Variants in CTSB observed in about 807,000 individuals in gnomAD.
CTSB encodes cathepsin B.
A neutral mutation model predicts 44.3 loss-of-function variants in CTSB; 57 were observed. That is an observed-to-expected ratio of 1.29 (90% CI 1.04 to 1.60). CTSB has a LOEUF of 1.60. Ranked by LOEUF, CTSB falls within the 40% of genes most tolerant of loss-of-function variation. The probability of loss-of-function intolerance (pLI) is 0.00; values close to 1 mark genes in which losing one functional copy is unlikely to be tolerated. For missense variants in CTSB, 768 were observed against 443.0 expected (o/e 1.73, Z -6.59); for synonymous variants, 320 against 168.0 (o/e 1.91, Z -7.00).
At chr8:11,849,399 G>A in intron 4 of CTSB, 2 of 330,074 alleles carry the variant, frequency 6.1e-6, no homozygotes, top group South Asian at 3.2e-5. Flanking sequence ...GCCCACCTTG[G>A]CCTCCCAAAG....
rs577477911 is a variant in CTSB, at chr8:11,850,845, C to T, written c.327+21G>A. ...TCCCACTTTCTCTCCAGCGCTTCCCCGCCAGCCAGCAGGGCCTTACCCAGC... is the reference window on the plus strand; with the variant it reads ...TCCCACTTTCTCTCCAGCGCTTCCCTGCCAGCCAGCAGGGCCTTACCCAGC... On this transcript the variant is annotated intron_variant, in intron 4 of 9. Coordinates refer to ENST00000353047, the MANE Select transcript of CTSB (RefSeq NM_001908.5). 3.5e-5 allele frequency: 56 copies of T among 1,578,666 alleles called. No individual in the cohort carries two copies. In the South Asian group the frequency reaches 4.5e-4, roughly 13 times the overall value.
Position 11,844,979 on chromosome 8 carries a change from G to GGTCTCCTT in CTSB, c.*138_*145dup. 1.6e-6 allele frequency: 1 copy of GGTCTCCTT among 631,260 alleles called. No individual in the cohort carries two copies. The highest frequency in any genetic ancestry group is 2.8e-6 in the Non-Finnish European group (1 of 353,130). 39.1% of individuals were successfully genotyped at this position (631,260 alleles called of 1,614,324 possible). Reference sequence around the variant, plus strand: ...ACAGGCTGGGATGTAGCCAGGACTTGGTCTCCTTGGAAGACAGGTCTGATG... The same window carrying GGTCTCCTT: ...ACAGGCTGGGATGTAGCCAGGACTTGGTCTCCTTGTCTCCTTGGAAGACAGGTCTGATG... On this transcript the variant is annotated 3_prime_UTR_variant, in exon 10 of 10. Transcript: ENST00000353047.
Position 11,849,148 on chromosome 8 carries a change from T to C in CTSB, c.344A>G (p.Glu115Gly). 6.2e-7 allele frequency: 1 copy of C among 1,612,576 alleles called. No homozygotes were observed. The highest frequency in any genetic ancestry group is 8.5e-7 in the Non-Finnish European group (1 of 1,179,742). The change falls in exon 5 of 10, where the codon GAA becomes GGA. Residue 115 changes from glutamate to glycine, a missense_variant. Physicochemically the swap from Glu to Gly is moderately conservative, Grantham distance 98. Coordinates refer to ENST00000353047, the MANE Select transcript of CTSB (RefSeq NM_001908.5). Reference sequence around the variant, plus strand: ...GATGCAGATCCGGTCAGAGATGGCTTCCACAGCCCCGAAGGCCTGCAGGAA... The same window carrying C: ...GATGCAGATCCGGTCAGAGATGGCTCCCACAGCCCCGAAGGCCTGCAGGAA... ...CGSCWAFGAV[E>G]AISDRICIHT...
At chr8:11,859,101 C>T (rs557562338) in intron 1 of CTSB, among the ~76,000 whole-genome samples, 1 of 152,156 alleles carries the variant, frequency 6.6e-6, no homozygotes, top group East Asian at 1.9e-4. Flanking sequence ...TCCAGTGCAC[C>T]CCTCTGCCCC....
At position 11,845,103 on chromosome 8, in the gene CTSB, G is replaced by A; in HGVS notation, c.*22C>T. 5 of 1,542,736 alleles carry A rather than the reference G, an allele frequency of 3.2e-6. No individual in the cohort carries two copies. The highest frequency in any genetic ancestry group is 4.5e-6 in the Non-Finnish European group (5 of 1,115,244). On this transcript the variant is annotated 3_prime_UTR_variant, in exon 10 of 10. Transcript: ENST00000353047. ...CTACCCCGATCTCGCCCCCAGGACT[G>A]GCACGACAGGCCCACGGCAGATTAG...
intron 5 of CTSB, chr8:11,848,377 G>T (rs758021253): frequency 1.5e-6 from 1 of 658,814 alleles, no homozygotes; most frequent in African/African-American, 1.8e-5. Flanking sequence ...AAAGATCCGG[G>T]AGAAGACAGG....
rs898288717 is a variant in CTSB at position 11,846,906 on chromosome 8, C to T, written c.793+146G>A. The T allele has an allele frequency of 3.0e-5, 19 of 643,092 alleles. No homozygotes were observed. In the Admixed American group the frequency reaches 3.8e-4, roughly 13 times the overall value. The allele number at this position is 643,092 out of a possible 1,614,324, so 39.8% of individuals were successfully genotyped here. A position where few individuals can be genotyped will look rare whatever the true frequency, so the allele number is the denominator to read the frequency against. ...CCAGGCTGGTCCACAGAGGAGTGAG[C>T]CTATATGGAAGGCCCCACACAGCCC... On this transcript the variant is annotated intron_variant, in intron 8 of 9. Transcript: ENST00000353047.
intron 4 of CTSB, chr8:11,849,477 C>T (rs1814138506): frequency 9.9e-6 from 2 of 201,312 alleles, no homozygotes; most frequent in South Asian, 2.0e-4. Flanking sequence ...CCCAACTCAG[C>T]TTTTAAAGCA....
chr8:11,860,256 T>G (rs866520009), intron 1 of CTSB, among the ~76,000 whole-genome samples: 11 of 152,180 alleles, frequency 7.2e-5, no homozygotes, highest in Admixed American at 7.2e-4. Context: ...AAAGCTGTCA[T>G]GCAGTATTTT....
At chr8:11,867,379 C>G (rs1817309629) in intron 1 of CTSB, 1 of 152,538 alleles carries the variant, frequency 6.6e-6, no homozygotes, top group African/African-American at 2.4e-5. Context: ...GTTTCGCTGT[C>G]TGGTTTCTCT....
intron 2 of CTSB, among the ~76,000 whole-genome samples, 187 bp downstream of exon 2, chr8:11,853,142 C>A (rs994750390): frequency 6.6e-6 from 1 of 152,012 alleles, no homozygotes; most frequent in African/African-American, 2.4e-5. Context: ...CATGCACACA[C>A]GTGGGGTATG....
intron 4 of CTSB, 166 bp from the exon 5 acceptor site, chr8:11,849,330 G>C (rs1447244588): frequency 3.9e-6 from 2 of 516,062 alleles, no homozygotes; most frequent in African/African-American, 1.9e-5. Flanking sequence ...TTCTTTGGTA[G>C]AAATGGGGTC....
At chr8:11,845,260 A>T in intron 9 of CTSB, 38 bp from the exon 10 acceptor site, 1 of 1,477,012 alleles carries the variant, frequency 6.8e-7, no homozygotes, top group Non-Finnish European at 9.5e-7. Flanking sequence ...AAGTGTGACA[A>T]GGGTCAACCA....
In CTSB at chr8:11,844,677, CA is replaced by C. The variant is rs1377814189; in HGVS notation, c.*447del. The stretch of plus-strand genomic sequence containing the variant: ...GGGGGCCTGGGAGACTGGCGTTCTC[CA>C]AAGGGCTCCCAACACCGTCTCTCCT... On this transcript the variant is annotated 3_prime_UTR_variant, in exon 10 of 10. Transcript: ENST00000353047. The C allele has an allele frequency of 4.3e-5, 7 of 161,510 alleles. No individual in the cohort carries two copies. Among genetic ancestry groups the C allele is most frequent in the Admixed American group, 3.6e-4 (6 of 16,818 alleles). 10.0% of individuals were successfully genotyped at this position (161,510 alleles called of 1,614,324 possible). A position where few individuals can be genotyped will look rare whatever the true frequency, so the allele number is the denominator to read the frequency against.
chr8:11,848,298 C>T (rs1283169878), intron 5 of CTSB, 146 bp from the exon 6 acceptor site: 3 of 728,206 alleles, frequency 4.1e-6, no homozygotes, highest in Non-Finnish European at 7.5e-6. Context: ...AGACCCCAAA[C>T]CCTCCAAGGG....
rs147695799 is a variant in CTSB, at chr8:11,848,633, G to A, written c.446+413C>T. 88 of 306,480 alleles carry A rather than the reference G, an allele frequency of 2.9e-4. No individual in the cohort carries two copies. In the East Asian group the frequency reaches 6.1e-3, roughly 21 times the overall value. The allele number at this position is 306,480 out of a possible 1,614,324, so 19.0% of individuals were successfully genotyped here. On this transcript the variant is annotated intron_variant, in intron 5 of 9. Coordinates refer to ENST00000353047, the MANE Select transcript of CTSB (RefSeq NM_001908.5). ...AACACCGCTACTGCGGAACCAAGGC[G>A]AGGCTGCAGGCAGCTGGAGCAGAAA...
In CTSB at chr8:11,844,400, A is replaced by G. The variant is rs1812841874; in HGVS notation, c.*725T>C. On this transcript the variant is annotated 3_prime_UTR_variant, in exon 10 of 10. Coordinates refer to ENST00000353047, the MANE Select transcript of CTSB (RefSeq NM_001908.5). The stretch of plus-strand genomic sequence containing the variant: ...AAGCTGTAATTTTTCAAAAACAGTA[A>G]AAGCTGGTTTCTCCTAAACTATTTT... 1 of 152,136 alleles carries G rather than the reference A, an allele frequency of 6.6e-6. No homozygotes were observed. The highest frequency in any genetic ancestry group is 2.4e-5 in the African/African-American group (1 of 41,424). 9.4% of individuals were successfully genotyped at this position (152,136 alleles called of 1,614,324 possible). A position where few individuals can be genotyped will look rare whatever the true frequency, so the allele number is the denominator to read the frequency against.
chr8:11,860,626 A>G (rs1431128990), intron 1 of CTSB, among the ~76,000 whole-genome samples: 1 of 152,162 alleles, frequency 6.6e-6, no homozygotes, highest in African/African-American at 2.4e-5. Context: ...CTCCGTCTCA[A>G]AAAAACAAAA....
intron 8 of CTSB, chr8:11,846,005 G>A (rs1388516245): frequency 2.5e-6 from 1 of 397,722 alleles, no homozygotes; most frequent in South Asian, 7.4e-5. Flanking sequence ...AGTAAATATT[G>A]AAATAGATTC....
Sources: gnomAD v4.1 joint callset for allele counts (sites outside exome capture counted in the v4.1 genomes callset) on GRCh38, gnomAD v4.1.1 for gene constraint, MANE v1.5 for transcripts, NCBI Gene and HGNC (gene_info 2026-07-23, HGNC 2026-07-21) for gene names.